The following EXOC1 variants were observed in gnomAD, a reference collection of about 807,000 sequenced individuals.
EXOC1 encodes the protein exocyst complex component 1, also known as SEC3-like 1.
Under a neutral mutation model 107.7 loss-of-function variants are expected in EXOC1, and 67 were observed. The ratio of observed to expected loss-of-function variants is 0.62; its 90% CI spans 0.51 to 0.76. The LOEUF (loss-of-function observed/expected upper bound fraction) is 0.76. Ranked by LOEUF, EXOC1 falls within the 30% of genes least tolerant of loss-of-function variation. The probability of loss-of-function intolerance (pLI) is 0.00; values close to 1 mark genes in which losing one functional copy is unlikely to be tolerated. For synonymous variants in EXOC1, 348 were observed against 353.5 expected, an observed-to-expected ratio of 0.98 and a Z score of 0.17; for missense variants, 833 against 1,055.7, an observed-to-expected ratio of 0.79 and a Z score of 2.92.
chr4:55,890,102 C>G (rs1383908453), intron 11 of EXOC1, 121 bp from the exon 12 acceptor site: 4 of 858,670 alleles, frequency 4.7e-6, no homozygotes, highest in Non-Finnish European at 5.4e-6. Context: ...AAGATTTGTG[C>G]ACTAACTAAT....
intron 9 of EXOC1, among the ~76,000 whole-genome samples, chr4:55,881,533 T>C (rs1723378880): frequency 6.6e-6 from 1 of 152,016 alleles, no homozygotes; most frequent in Non-Finnish European, 1.5e-5. Flanking sequence ...GAGCACACCT[T>C]GGTTTTATAC....
At chr4:55,876,246 T>C (rs1722884749) in intron 8 of EXOC1, 1 of 985,452 alleles carries the variant, frequency 1.0e-6, no homozygotes, top group Non-Finnish European at 1.2e-6. Flanking sequence ...TTAGTCCTCA[T>C]TGATTCTTTT....
chr4:55,888,694 T>C, intron 10 of EXOC1, 194 bp from the exon 11 acceptor site: 1 of 554,224 alleles, frequency 1.8e-6, no homozygotes, highest in Non-Finnish European at 3.2e-6. Flanking sequence ...AGTAAAGTTT[T>C]TTCTCTCATA....
intron 16 of EXOC1, among the ~76,000 whole-genome samples, chr4:55,897,424 T>C (rs112232418): frequency 1.3e-5 from 2 of 152,266 alleles, no homozygotes; most frequent in African/African-American, 4.8e-5. Context: ...AATTCACTTA[T>C]TTAGGACTCA....
chr4:55,878,022 T>A lies in EXOC1; in HGVS notation c.1180T>A (p.Trp394Arg), dbSNP rs1723058282. The A allele has an allele frequency of 6.2e-7, 1 of 1,613,622 alleles. No individual in the cohort carries two copies. Among genetic ancestry groups the A allele is most frequent in the Admixed American group, 1.7e-5 (1 of 59,946 alleles). ...GCTCCGATATGCCAAGCTGATGGAG[T>A]GGCTAAAGAGTACAGATTATGGAAA... ...DLLRYAKLMEWLKSTDYGKYE... is the reference protein window; with the variant it reads ...DLLRYAKLMERLKSTDYGKYE... Residue 394 changes from tryptophan (W) to arginine (R), a missense_variant, in exon 9 of 19, where the codon TGG becomes AGG. This residue lies in a region of EXOC1 where 617 missense variants were observed against 701.3 expected (regional missense o/e 0.88). Coordinates refer to ENST00000381295, the MANE Select transcript of EXOC1 (RefSeq NM_001024924.2).
chr4:55,876,814 T>C, intron 8 of EXOC1: 2 of 984,546 alleles, frequency 2.0e-6, no homozygotes, highest in African/African-American at 3.5e-5. Flanking sequence ...TGGGTCCTTT[T>C]TTCTTTTTAA....
chr4:55,894,614 C>CTTTTTTTTTTT (rs772700227), intron 15 of EXOC1, among the ~76,000 whole-genome samples: 30 of 76,128 alleles, frequency 3.9e-4, no homozygotes, highest in Non-Finnish European at 4.8e-4. Context: ...CTATCTGTTA[C>CTTTTTTTTTTT]TTTTTTTTTT....
At chr4:55,870,320 C>G (rs1221736779) in intron 5 of EXOC1, among the ~76,000 whole-genome samples, 1 of 152,182 alleles carries the variant, frequency 6.6e-6, no homozygotes, top group Non-Finnish European at 1.5e-5. Flanking sequence ...GATAACATGG[C>G]CTAATGCCTC....
rs576957476 is a variant in EXOC1, at chr4:55,860,563, G to A, written c.255+22G>A. Reference sequence around the variant, plus strand: ...CAAAGTAGGTTTTTCTCAGTTCTTTGACCTGTGTTCAGAAAGCATCTTTCA... The same window carrying A: ...CAAAGTAGGTTTTTCTCAGTTCTTTAACCTGTGTTCAGAAAGCATCTTTCA... On this transcript the variant is annotated intron_variant, in intron 3 of 18. Transcript: ENST00000381295. 2.8e-4 allele frequency: 447 copies of A among 1,612,538 alleles called. 7 individuals are homozygous for A. In the South Asian group the frequency reaches 4.5e-3, roughly 16 times the overall value.
intron 16 of EXOC1, among the ~76,000 whole-genome samples, chr4:55,897,709 G>A (rs1227724953): frequency 1.3e-5 from 2 of 152,074 alleles, no homozygotes; most frequent in African/African-American, 2.4e-5. Flanking sequence ...TTCACCTCCC[G>A]AGTTCAAGCA....
intron 17 of EXOC1, 93 bp downstream of exon 17, chr4:55,899,977 TC>T (rs1365772382): frequency 1.3e-4 from 141 of 1,127,506 alleles, no homozygotes; most frequent in Non-Finnish European, 1.7e-4. Context: ...TCTTAAATTT[TC>T]TCATGTGTTG....
rs1292920690 is a variant in EXOC1, at chr4:55,860,438, AGGT to A, written c.156_158del (p.Val53del). 6.2e-7 allele frequency: 1 copy of A among 1,613,960 alleles called. No homozygotes were observed. The highest frequency in any genetic ancestry group is 8.5e-7 in the Non-Finnish European group (1 of 1,179,866). ...ACAACTGAACGCCCTGTGCAGGTTA[AGGT>A]GGTCAAAGTCAAGAAATCCGATAAG... On this transcript the variant is annotated inframe_deletion, in exon 3 of 19. Coordinates refer to ENST00000381295, the MANE Select transcript of EXOC1 (RefSeq NM_001024924.2).
Position 55,871,897 on chromosome 4 carries a change from A to T in EXOC1, c.1013A>T (p.Asp338Val). ...AVKQQQQRFS[D>V]LRELFARRLA... Reference sequence around the variant, plus strand: ...AAACAGCAACAGCAGCGATTCAGTGATTTGCGAGAGCTTTTTGCCCGGAGA... The same window carrying T: ...AAACAGCAACAGCAGCGATTCAGTGTTTTGCGAGAGCTTTTTGCCCGGAGA... The change falls in exon 8 of 19, where the codon GAT becomes GTT. Residue 338 changes from aspartate (D) to valine (V), a missense_variant. Transcript: ENST00000381295. The T allele has an allele frequency of 6.2e-7, 1 of 1,613,820 alleles. No homozygotes were observed. The highest frequency in any genetic ancestry group is 8.5e-7 in the Non-Finnish European group (1 of 1,179,812).
At chr4:55,889,231 C>T (rs956240369) in intron 11 of EXOC1, among the ~76,000 whole-genome samples, 3 of 152,070 alleles carry the variant, frequency 2.0e-5, no homozygotes, top group Admixed American at 6.6e-5. Context: ...TAGATATGGT[C>T]GGATTTTACA....
chr4:55,883,639 A>G, intron 9 of EXOC1, 184 bp from the exon 10 acceptor site: 2 of 426,430 alleles, frequency 4.7e-6, no homozygotes, highest in South Asian at 5.2e-5. Flanking sequence ...GTAAATTGTT[A>G]ATGTTATGAT....
intron 1 of EXOC1, among the ~76,000 whole-genome samples, chr4:55,857,361 T>C (rs766010509): frequency 4.6e-5 from 7 of 151,682 alleles, no homozygotes; most frequent in Non-Finnish European, 8.8e-5. Flanking sequence ...TTTGTATTTT[T>C]AGTAGAGACG....
Position 55,860,351 on chromosome 4 carries a change from G to A in EXOC1, c.125-60G>A, listed in dbSNP as rs983777812. On this transcript the variant is annotated intron_variant, in intron 2 of 18. Coordinates refer to ENST00000381295, the MANE Select transcript of EXOC1 (RefSeq NM_001024924.2). Reference sequence around the variant, plus strand: ...CCTGAAAGCTATACTTGCAATGAGTGAATGAAGAATGAGTGAAAGGGGTAA... The same window carrying A: ...CCTGAAAGCTATACTTGCAATGAGTAAATGAAGAATGAGTGAAAGGGGTAA... 4 of 1,597,278 alleles carry A rather than the reference G, an allele frequency of 2.5e-6. No individual in the cohort carries two copies. The African/African-American group carries it at 5.4e-5, about 21-fold the overall frequency.
At chr4:55,888,211 A>T (rs1221824075) in intron 10 of EXOC1, among the ~76,000 whole-genome samples, 2 of 152,192 alleles carry the variant, frequency 1.3e-5, no homozygotes, top group Non-Finnish European at 2.9e-5. Flanking sequence ...ATGCCTAATG[A>T]CCTAAAAAGA....
intron 11 of EXOC1, among the ~76,000 whole-genome samples, chr4:55,889,491 G>A (rs1350493178): frequency 6.6e-6 from 1 of 152,078 alleles, no homozygotes; most frequent in Non-Finnish European, 1.5e-5. Flanking sequence ...GGCTATGACG[G>A]ATACCAAAAT....
Sources: allele counts gnomAD v4.1 joint callset (sites outside exome capture counted in the v4.1 genomes callset), GRCh38; gene constraint gnomAD v4.1.1; regional missense constraint gnomAD v4.1.1; transcripts MANE v1.5; gene names NCBI Gene and HGNC (gene_info 2026-07-23, HGNC 2026-07-21).